The following GRIK4 variants were observed in gnomAD, a reference collection of about 807,000 sequenced individuals.
The protein encoded by GRIK4 is glutamate receptor ionotropic, kainate 4.
A neutral mutation model predicts 104.9 loss-of-function variants in GRIK4; 40 were observed. The ratio of observed to expected loss-of-function variants is 0.38; its 90% confidence interval spans 0.30 to 0.50. The LOEUF is 0.50. GRIK4 is among the 20% of genes least tolerant of loss of function. GRIK4 has a pLI of 0.93. For missense variants in GRIK4, 1,047 were observed against 1,308.1 expected, an observed-to-expected ratio of 0.80 and a Z score of 3.08; for synonymous variants, 485 against 524.9, an observed-to-expected ratio of 0.92 and a Z score of 1.04.
chr11:120,621,795 C>T (rs1487441040), intron 1 of GRIK4, among the ~76,000 whole-genome samples: 2 of 152,206 alleles, frequency 1.3e-5, no homozygotes, highest in Non-Finnish European at 2.9e-5. Context: ...GTAGAGACTT[C>T]TCAGCTGCAG....
At chr11:120,783,971 G>A (rs1315907054) in intron 3 of GRIK4, among the ~76,000 whole-genome samples, 3 of 152,148 alleles carry the variant, frequency 2.0e-5, no homozygotes, top group African/African-American at 7.2e-5. Flanking sequence ...TGTTACGGAG[G>A]TCCCAGCCTC....
At chr11:120,849,856 A>G (rs1340730631) in intron 8 of GRIK4, among the ~76,000 whole-genome samples, 2 of 152,252 alleles carry the variant, frequency 1.3e-5, no homozygotes, top group Non-Finnish European at 2.9e-5. Flanking sequence ...GTGCAAAGTC[A>G]TATAGGTCAG....
In GRIK4 at chr11:120,594,566, C is replaced by T. The variant is rs180716626; in HGVS notation, c.-158-59119C>T. 3.3e-5 allele frequency among the ~76,000 whole-genome samples: 5 copies of T among 152,294 alleles called. No individual in the cohort carries two copies. In the East Asian group the frequency reaches 9.6e-4, roughly 29 times the overall value. ...TAATGCCGTATAGGGTATGATCTGG[C>T]CCATCTAATTCTCCAGCCTCCTCTT... On this transcript the variant is annotated intron_variant, in intron 1 of 20. Coordinates refer to ENST00000527524, the MANE Select transcript of GRIK4 (RefSeq NM_014619.5).
rs556463616 is a variant in GRIK4, at chr11:120,923,436, G to A, written c.1477-16911G>A. On this transcript the variant is annotated intron_variant, in intron 13 of 20. Transcript: ENST00000527524. ...TTTTTTTTTTTTTTTTTTTGGAGACGGAGTCTCACTCAGTCGCCCAGGCTG... is the reference window on the plus strand; with the variant it reads ...TTTTTTTTTTTTTTTTTTTGGAGACAGAGTCTCACTCAGTCGCCCAGGCTG... Among the ~76,000 whole-genome samples, 18 of 124,114 alleles carry A rather than the reference G, an allele frequency of 1.5e-4. 1 individual carries two copies. The South Asian group carries it at 2.0e-3, about 14-fold the overall frequency. The allele number at this position is 124,114 out of a possible 152,430, so 81.4% of individuals were successfully genotyped here. A position where few individuals can be genotyped will look rare whatever the true frequency, so the allele number is the denominator to read the frequency against.
chr11:120,566,706 G>GTT lies in GRIK4; in HGVS notation c.-159+54834_-159+54835dup, dbSNP rs538654745. Among the ~76,000 whole-genome samples the GTT allele has an allele frequency of 0.013, 1,746 of 136,266 alleles. 86 individuals carry two copies. In the East Asian group the frequency reaches 0.14, roughly 11 times the overall value. 89.4% of individuals were successfully genotyped at this position (136,266 alleles called of 152,430 possible). On this transcript the variant is annotated intron_variant, in intron 1 of 20. Coordinates refer to ENST00000527524, the MANE Select transcript of GRIK4 (RefSeq NM_014619.5). ...ATTTTTTTTCTTGTTTATACCCTCA[G>GTT]TTTTTTTTTTTTTTTTGAGACGGCG...
intron 3 of GRIK4, among the ~76,000 whole-genome samples, chr11:120,735,782 C>T (rs1368285091): frequency 6.6e-6 from 1 of 152,188 alleles, no homozygotes. Flanking sequence ...CTCCTTTCCA[C>T]AGGCAGAGGA....
At chr11:120,859,083 G>A (rs997196824) in intron 8 of GRIK4, 2 of 152,156 alleles carry the variant, frequency 1.3e-5, no homozygotes. Flanking sequence ...GCTGACTTCT[G>A]GGTAGACTGT....
At chr11:120,901,799 A>G (rs1006549267) in intron 12 of GRIK4, among the ~76,000 whole-genome samples, 1 of 152,202 alleles carries the variant, frequency 6.6e-6, no homozygotes, top group Non-Finnish European at 1.5e-5. Context: ...CCAAGTCCAC[A>G]GGGTCCTGTT....
Position 120,513,860 on chromosome 11 carries a change from G to T in GRIK4, c.-159+1973G>T, listed in dbSNP as rs985599891. ...ATCCCCCTACCTGGGCATCTTGATCGGTGGCTGCTGTCTTCCCCAGCAATG... is the reference window on the plus strand; with the variant it reads ...ATCCCCCTACCTGGGCATCTTGATCTGTGGCTGCTGTCTTCCCCAGCAATG... On this transcript the variant is annotated intron_variant, in intron 1 of 20. Transcript: ENST00000527524. This position sits in a 1 kb window ranked among gnomAD's most constrained non-coding sequence, Gnocchi z 4.5. 6.6e-6 allele frequency among the ~76,000 whole-genome samples: 1 copy of T among 152,184 alleles called. No individual in the cohort carries two copies. Among genetic ancestry groups the T allele is most frequent in the Non-Finnish European group, 1.5e-5 (1 of 68,046 alleles).
intron 12 of GRIK4, 131 bp downstream of exon 12, chr11:120,898,770 G>A (rs890778610): frequency 1.7e-5 from 11 of 631,766 alleles, no homozygotes; most frequent in African/African-American, 9.2e-5. Context: ...TTATGACAGC[G>A]TAATTACACT....
chr11:120,814,358 G>A (rs561623779), intron 4 of GRIK4, among the ~76,000 whole-genome samples: 2 of 152,256 alleles, frequency 1.3e-5, no homozygotes, highest in African/African-American at 4.8e-5. Flanking sequence ...CCAGCACTTC[G>A]GGAGGCCAAG....
intron 3 of GRIK4, among the ~76,000 whole-genome samples, chr11:120,705,088 A>G (rs1204001306): frequency 6.6e-6 from 1 of 152,112 alleles, no homozygotes; most frequent in African/African-American, 2.4e-5. Context: ...TGTTTTGATT[A>G]CTGTAGCTTT....
intron 3 of GRIK4, among the ~76,000 whole-genome samples, chr11:120,731,259 G>GTT (rs1304589343): frequency 8.6e-4 from 123 of 142,994 alleles, no homozygotes; most frequent in South Asian, 2.4e-3. Context: ...TTTTTTTTTA[G>GTT]TTTTTTTTTT....
At chr11:120,547,244 T>C (rs1399117236) in intron 1 of GRIK4, among the ~76,000 whole-genome samples, 1 of 152,176 alleles carries the variant, frequency 6.6e-6, no homozygotes, top group East Asian at 1.9e-4. Context: ...GCCTCCAGGG[T>C]ACCCTGGGCA....
intron 1 of GRIK4, among the ~76,000 whole-genome samples, chr11:120,638,972 T>C (rs56387822): frequency 2.0e-5 from 3 of 151,882 alleles, no homozygotes; most frequent in Admixed American, 2.0e-4. Context: ...CAAGGCGGGC[T>C]GATCACCTGA....
At chr11:120,529,124 AC>A (rs1485058398) in intron 1 of GRIK4, among the ~76,000 whole-genome samples, 8 of 149,542 alleles carry the variant, frequency 5.3e-5, no homozygotes, top group Non-Finnish European at 7.4e-5. Flanking sequence ...AGCCTGCATA[AC>A]CCCCCACCCC....
chr11:120,533,958 C>T (rs1287404164), intron 1 of GRIK4, among the ~76,000 whole-genome samples: 1 of 152,198 alleles, frequency 6.6e-6, no homozygotes, highest in Non-Finnish European at 1.5e-5. Context: ...ACAGAAATAG[C>T]TTGACCAGAT....
intron 9 of GRIK4, among the ~76,000 whole-genome samples, chr11:120,862,490 A>C (rs1043325078): frequency 6.6e-6 from 1 of 152,194 alleles, no homozygotes; most frequent in African/African-American, 2.4e-5. Flanking sequence ...AGGAAACTAA[A>C]GCCCAGACTG....
chr11:120,851,787 G>T lies in GRIK4; in HGVS notation c.745-10172G>T, dbSNP rs556081356. ...AGTCAGCAAGATGCTCAGTCCTTGT[G>T]GAGAACCCATTATTTGATCCTGCTG... On this transcript the variant is annotated intron_variant, in intron 8 of 20. Coordinates refer to ENST00000527524, the MANE Select transcript of GRIK4 (RefSeq NM_014619.5). 4.6e-5 allele frequency among the ~76,000 whole-genome samples: 7 copies of T among 152,036 alleles called. No individual in the cohort carries two copies. The East Asian group carries it at 1.2e-3, about 25-fold the overall frequency.
Sources: allele counts gnomAD v4.1 joint callset (sites outside exome capture counted in the v4.1 genomes callset), GRCh38; gene constraint gnomAD v4.1.1; non-coding constraint Gnocchi (gnomAD v3.1); transcripts MANE v1.5; gene names NCBI Gene and HGNC (gene_info 2026-07-23, HGNC 2026-07-21).